ANKRD55: variants seen among roughly 807,000 people sequenced by gnomAD.
ANKRD55 encodes the protein ankyrin repeat domain 55.
In ANKRD55, 41 loss-of-function variants were observed where a neutral mutation model predicts 60.6. The ratio of observed to expected loss-of-function variants is 0.68; its 90% CI spans 0.53 to 0.88. The LOEUF (loss-of-function observed/expected upper bound fraction) is 0.88. ANKRD55 is among the 40% of genes least tolerant of loss of function. The pLI, the probability that ANKRD55 is intolerant of heterozygous loss-of-function variation, is 0.00. For synonymous variants in ANKRD55, 264 were observed against 290.3 expected, an observed-to-expected ratio of 0.91 and a Z score of 0.92; for missense variants, 732 against 767.6, an observed-to-expected ratio of 0.95 and a Z score of 0.55.
intron 7 of ANKRD55, chr5:56,137,342 AC>A: frequency 6.9e-7 from 1 of 1,452,256 alleles, no homozygotes; most frequent in Non-Finnish European, 9.5e-7. Context: ...GGAACAAAGC[AC>A]CTAAGATGTG....
At chr5:56,112,287 G>A (rs1182613958) in intron 9 of ANKRD55, among the ~76,000 whole-genome samples, 1 of 151,898 alleles carries the variant, frequency 6.6e-6, no homozygotes, top group Admixed American at 6.6e-5. Flanking sequence ...AACCTGGACC[G>A]AGTGCTGACC....
chr5:56,199,607 G>A (rs140960212), intron 2 of ANKRD55, among the ~76,000 whole-genome samples: 156 of 151,598 alleles, frequency 1.0e-3, no homozygotes, highest in African/African-American at 3.3e-3. Flanking sequence ...AAACTTGGGT[G>A]TGGCTTGGTT....
At chr5:56,210,434 C>A (rs960907419) in intron 2 of ANKRD55, among the ~76,000 whole-genome samples, 1 of 151,638 alleles carries the variant, frequency 6.6e-6, no homozygotes, top group South Asian at 2.1e-4. Context: ...CGGTGGCGGG[C>A]GCCTGTAGTC....
At chr5:56,135,280 C>T (rs796862037) in intron 7 of ANKRD55, among the ~76,000 whole-genome samples, 5,353 of 48,234 alleles carry the variant, frequency 0.11, 557 homozygotes, top group African/African-American at 0.3. Flanking sequence ...CCCTCCCTCC[C>T]TGCCTGCCTG....
chr5:56,123,117 C>CG (rs1298898864), intron 8 of ANKRD55, among the ~76,000 whole-genome samples: 3 of 151,946 alleles, frequency 2.0e-5, no homozygotes, highest in African/African-American at 7.3e-5. Flanking sequence ...GTAAGTCACT[C>CG]GGGAAATGGG....
intron 2 of ANKRD55, among the ~76,000 whole-genome samples, chr5:56,200,294 T>C (rs933913000): frequency 1.3e-5 from 2 of 152,132 alleles, no homozygotes; most frequent in African/African-American, 2.4e-5. Flanking sequence ...TTCTGACCTT[T>C]ATAAATACTC....
At chr5:56,125,268 ACTTTTTT>A (rs904255875) in intron 8 of ANKRD55, among the ~76,000 whole-genome samples, 2 of 149,984 alleles carry the variant, frequency 1.3e-5, no homozygotes, top group East Asian at 3.9e-4. Context: ...GAAAACACTT[ACTTTTTT>A]CTTTTTTCTT....
At chr5:56,144,778 A>G (rs1275316824) in intron 6 of ANKRD55, among the ~76,000 whole-genome samples, 3 of 152,228 alleles carry the variant, frequency 2.0e-5, no homozygotes, top group Non-Finnish European at 4.4e-5. Context: ...TGGGTTAGGT[A>G]TAATTTAACA....
chr5:56,216,334 C>T (rs1388432735), intron 2 of ANKRD55, among the ~76,000 whole-genome samples: 3 of 152,124 alleles, frequency 2.0e-5, no homozygotes, highest in African/African-American at 7.2e-5. Context: ...TCTCCCTCTC[C>T]TCAGGCCTCC....
chr5:56,100,280 G>A lies in ANKRD55; in HGVS notation c.1748C>T (p.Thr583Ile), dbSNP rs1343374631. Residue 583 changes from threonine to isoleucine, a missense_variant, in exon 12 of 12, where the codon ACA (threonine) becomes ATA (isoleucine). By Grantham distance (89) the Thr-to-Ile change is moderately conservative. Coordinates refer to ENST00000341048, the MANE Select transcript of ANKRD55 (RefSeq NM_024669.3). Reference sequence around the variant, plus strand: ...TGGAATTGCAGGAAGCACTCGGTTTGTCCGCAGAGGTTCTCCAGATAGAAC... The same window carrying A: ...TGGAATTGCAGGAAGCACTCGGTTTATCCGCAGAGGTTCTCCAGATAGAAC... ...QKFLSGEPLR[T>I]NRVLPAIPSQ... 1.2e-6 allele frequency: 2 copies of A among 1,614,192 alleles called. No individual in the cohort carries two copies. The highest frequency in any genetic ancestry group is 8.5e-7 in the Non-Finnish European group (1 of 1,180,024).
chr5:56,133,724 A>G lies in ANKRD55; in HGVS notation c.613-6618T>C, dbSNP rs1354823581. On this transcript the variant is annotated intron_variant, in intron 7 of 11. Transcript: ENST00000341048. ...TAAGTAACACATGGTTCAAAAGAAG[A>G]AATTGCAAGATAAATTAAAAAAATA... Among the ~76,000 whole-genome samples, 2 of 114,974 alleles carry G rather than the reference A, an allele frequency of 1.7e-5. 1 individual carries two copies. Among genetic ancestry groups the G allele is most frequent in the African/African-American group, 5.6e-5 (2 of 35,436 alleles). The allele number at this position is 114,974 out of a possible 152,430, so 75.4% of individuals were successfully genotyped here.
chr5:56,219,234 C>T (rs1759899553), intron 2 of ANKRD55, among the ~76,000 whole-genome samples: 1 of 139,168 alleles, frequency 7.2e-6, no homozygotes. Flanking sequence ...GATCGTGCCA[C>T]TGCACTCCAG....
At chr5:56,128,839 T>C (rs946714798) in intron 7 of ANKRD55, among the ~76,000 whole-genome samples, 17 of 152,194 alleles carry the variant, frequency 1.1e-4, no homozygotes, top group Non-Finnish European at 1.0e-4. Context: ...TGTGGAGGCA[T>C]TGGACTTCAC....
At chr5:56,194,271 G>A (rs1220430346) in intron 2 of ANKRD55, among the ~76,000 whole-genome samples, 2 of 147,066 alleles carry the variant, frequency 1.4e-5, no homozygotes, top group South Asian at 4.3e-4. Context: ...AGCCGAGATC[G>A]CACCATTGCA....
In ANKRD55 at chr5:56,158,091, G is replaced by T. The variant is rs1758240360; in HGVS notation, c.483+1742C>A. ...AGCTACTTGGGAGGCTGAGGTAGGAGAATTTCTTGAATCTGGGAGGCGGAG... is the reference window on the plus strand; with the variant it reads ...AGCTACTTGGGAGGCTGAGGTAGGATAATTTCTTGAATCTGGGAGGCGGAG... On this transcript the variant is annotated intron_variant, in intron 6 of 11. Coordinates refer to ENST00000341048, the MANE Select transcript of ANKRD55 (RefSeq NM_024669.3). Among the ~76,000 whole-genome samples the T allele has an allele frequency of 2.6e-5, 4 of 152,060 alleles. 1 individual carries two copies. In the South Asian group the frequency reaches 8.3e-4, roughly 32 times the overall value.
chr5:56,181,900 CT>C lies in ANKRD55; in HGVS notation c.181+1611del, dbSNP rs11309137. 2.9e-3 allele frequency among the ~76,000 whole-genome samples: 448 copies of C among 152,216 alleles called. 3 individuals carry two copies. The highest frequency in any genetic ancestry group is 0.01 in the African/African-American group (430 of 41,528). ...GTGAGCCACCGTGTCCGGCCTATTT[CT>C]GTATATTACTGAATTCTATTTGCTA... On this transcript the variant is annotated intron_variant, in intron 3 of 11. Transcript: ENST00000341048.
chr5:56,189,413 G>A (rs1047183628), intron 2 of ANKRD55, among the ~76,000 whole-genome samples: 1 of 151,192 alleles, frequency 6.6e-6, no homozygotes, highest in African/African-American at 2.4e-5. Context: ...TCACACTGTT[G>A]TGTAACCATC....
At chr5:56,203,806 G>A (rs1362594021) in intron 2 of ANKRD55, among the ~76,000 whole-genome samples, 1 of 152,170 alleles carries the variant, frequency 6.6e-6, no homozygotes, top group Non-Finnish European at 1.5e-5. Context: ...ATGTGTGCAT[G>A]TGTCTTTATA....
chr5:56,157,772 TAG>T (rs1251397697), intron 6 of ANKRD55, among the ~76,000 whole-genome samples: 1 of 152,036 alleles, frequency 6.6e-6, no homozygotes, highest in East Asian at 1.9e-4. Context: ...TCTGAGATGG[TAG>T]AGATAATGAT....
Sources: allele counts gnomAD v4.1 joint callset (sites outside exome capture counted in the v4.1 genomes callset), GRCh38; gene constraint gnomAD v4.1.1; transcripts MANE v1.5; gene names NCBI Gene and HGNC (gene_info 2026-07-23, HGNC 2026-07-21).